The following LDAF1 variants were observed in gnomAD, a reference collection of about 807,000 sequenced individuals.
The protein encoded by LDAF1 is PROMETHIN.
A neutral mutation model predicts 13.5 loss-of-function variants in LDAF1; 7 were observed. That is an observed-to-expected ratio of 0.52 (90% CI 0.29 to 0.97). The LOEUF is 0.97. LDAF1 is among the 50% of genes least tolerant of loss of function. The pLI is 0.07. For synonymous variants in LDAF1, 69 were observed against 77.1 expected, an observed-to-expected ratio of 0.89 and a Z score of 0.55; for missense variants, 148 against 193.2, an observed-to-expected ratio of 0.77 and a Z score of 1.39.
intron 4 of LDAF1, among the ~76,000 whole-genome samples, chr16:21,176,717 TTAAAA>T (rs2093141540): frequency 6.6e-6 from 1 of 151,754 alleles, no homozygotes; most frequent in South Asian, 2.1e-4. Flanking sequence ...ATAAAATAAA[TTAAAA>T]TAAACATAAC....
At chr16:21,178,116 A>G (rs753948619) in intron 4 of LDAF1, 97 of 725,906 alleles carry the variant, frequency 1.3e-4, no homozygotes, top group Non-Finnish European at 1.6e-4. Flanking sequence ...TTTCCCTTAC[A>G]TATGAAACCC....
chr16:21,174,496 T>G (rs1209785826), intron 4 of LDAF1, among the ~76,000 whole-genome samples: 1 of 152,026 alleles, frequency 6.6e-6, no homozygotes, highest in Non-Finnish European at 1.5e-5. Context: ...CACACCTTGC[T>G]GAGTAATTTA....
At chr16:21,166,535 G>A (rs1325455781) in intron 2 of LDAF1, among the ~76,000 whole-genome samples, 3 of 152,160 alleles carry the variant, frequency 2.0e-5, no homozygotes, top group Admixed American at 6.5e-5. Flanking sequence ...TGGACAGCCC[G>A]GGGATAAGCT....
At chr16:21,170,117 C>T (rs1279913337) in intron 2 of LDAF1, 3 of 163,774 alleles carry the variant, frequency 1.8e-5, no homozygotes, top group African/African-American at 7.2e-5. Context: ...ATTCTCCTGC[C>T]TCAGCCTCCC....
At chr16:21,179,238 A>G in intron 4 of LDAF1, 2 of 469,034 alleles carry the variant, frequency 4.3e-6, no homozygotes, top group Non-Finnish European at 5.6e-6. Flanking sequence ...TAAGAAAAAC[A>G]TAATAAATAT....
At chr16:21,165,227 G>A (rs781306765) in intron 2 of LDAF1, among the ~76,000 whole-genome samples, 14 of 152,216 alleles carry the variant, frequency 9.2e-5, no homozygotes, top group Non-Finnish European at 1.6e-4. Context: ...TCGGGAGGCC[G>A]AGGCGGGCAG....
chr16:21,170,068 C>A (rs2093071549), intron 2 of LDAF1, among the ~76,000 whole-genome samples: 1 of 151,918 alleles, frequency 6.6e-6, no homozygotes, highest in Non-Finnish European at 1.5e-5. Flanking sequence ...AATGGTGCAA[C>A]CTTGGCTCAC....
intron 3 of LDAF1, among the ~76,000 whole-genome samples, chr16:21,170,846 T>TA (rs1378468195): frequency 6.6e-6 from 1 of 152,156 alleles, no homozygotes; most frequent in Non-Finnish European, 1.5e-5. Flanking sequence ...CAAGGCAACT[T>TA]ATCAGAGTAG....
At chr16:21,168,573 T>C (rs934797121) in intron 2 of LDAF1, among the ~76,000 whole-genome samples, 1 of 143,936 alleles carries the variant, frequency 6.9e-6, no homozygotes, top group South Asian at 2.1e-4. Context: ...CATATATAAA[T>C]ATAATATATT....
intron 2 of LDAF1, among the ~76,000 whole-genome samples, chr16:21,168,965 ATAT>A (rs2093058495): frequency 1.2e-5 from 1 of 81,126 alleles, no homozygotes; most frequent in Admixed American, 1.4e-4. Flanking sequence ...ATAATATAAT[ATAT>A]TATATTATAT....
At chr16:21,168,360 G>A (rs965535096) in intron 2 of LDAF1, among the ~76,000 whole-genome samples, 11 of 151,958 alleles carry the variant, frequency 7.2e-5, no homozygotes, top group African/African-American at 1.9e-4. Context: ...GAGGCTGTGC[G>A]ACTCTAGACA....
At chr16:21,171,620 C>T (rs1479529815) in intron 3 of LDAF1, among the ~76,000 whole-genome samples, 4 of 152,118 alleles carry the variant, frequency 2.6e-5, no homozygotes, top group Non-Finnish European at 4.4e-5. Flanking sequence ...TTACAGCAGA[C>T]AAGACTTTAA....
At chr16:21,160,046 A>G (rs1157653283) in intron 1 of LDAF1, 3 of 860,780 alleles carry the variant, frequency 3.5e-6, no homozygotes, top group South Asian at 1.1e-4. Flanking sequence ...GATGATTAAA[A>G]TGTGCTTTAA....
intron 2 of LDAF1, chr16:21,169,209 T>C (rs1395669183): frequency 1.0e-6 from 1 of 981,992 alleles, no homozygotes; most frequent in Non-Finnish European, 1.2e-6. Flanking sequence ...GTGACTTAGT[T>C]CATTGCTTCT....
intron 4 of LDAF1, chr16:21,178,441 C>A: frequency 1.0e-6 from 1 of 957,246 alleles, no homozygotes; most frequent in Non-Finnish European, 1.2e-6. Flanking sequence ...TGAAAAAAAC[C>A]AAAGTAGATA....
chr16:21,178,399 T>C, intron 4 of LDAF1: 1 of 985,242 alleles, frequency 1.0e-6, no homozygotes, highest in Non-Finnish European at 1.2e-6. Flanking sequence ...AGTTTTTTGT[T>C]ATCAGGGAGG....
At position 21,170,618 on chromosome 16, in the gene LDAF1, G is replaced by A. The variant is rs373046647; in HGVS notation, c.265+13G>A. On this transcript the variant is annotated intron_variant, in intron 3 of 4. Transcript: ENST00000233047. ...ATAATATTGGAAGGTAGCCTGTTCC[G>A]TCATTCACCCCTTTAGAAAATAATT... 8.0e-5 allele frequency: 129 copies of A among 1,613,838 alleles called. No individual in the cohort carries two copies. Among genetic ancestry groups the A allele is most frequent in the African/African-American group, 4.7e-4 (35 of 75,006 alleles).
intron 2 of LDAF1, among the ~76,000 whole-genome samples, chr16:21,168,949 GTATATATAATATAATATATTATATTA>G (rs2093057867): frequency 8.9e-6 from 1 of 111,936 alleles, no homozygotes; most frequent in African/African-American, 3.6e-5. Flanking sequence ...TATATTTATA[GTATATATAATATAATATATTATATTA>G]TATATAATTA....
chr16:21,164,724 T>C (rs1427260248), intron 2 of LDAF1, among the ~76,000 whole-genome samples: 1 of 152,208 alleles, frequency 6.6e-6, no homozygotes, highest in African/African-American at 2.4e-5. Context: ...GAGCCTAGAT[T>C]GGGTAACCTG....
Sources: allele counts gnomAD v4.1 joint callset (sites outside exome capture counted in the v4.1 genomes callset), GRCh38; gene constraint gnomAD v4.1.1; transcripts MANE v1.5; gene names NCBI Gene and HGNC (gene_info 2026-07-23, HGNC 2026-07-21).